LRRC59: variants seen among roughly 807,000 people sequenced by gnomAD.
LRRC59 encodes the protein leucine rich repeat containing 59, also known as leucine-rich repeat-containing protein 59.
LRRC59 carries 18 observed loss-of-function variants against 33.5 expected under a neutral mutation model. The observed-to-expected ratio is 0.54, with a 90% CI of 0.37 to 0.80. The LOEUF is 0.80. Ranked by LOEUF, LRRC59 falls within the 30% of genes least tolerant of loss-of-function variation. The probability of loss-of-function intolerance (pLI) is 0.00; values close to 1 mark genes in which losing one functional copy is unlikely to be tolerated. For synonymous variants in LRRC59, 138 were observed against 160.0 expected, an observed-to-expected ratio of 0.86 and a Z score of 1.04; for missense variants, 330 against 391.9, an observed-to-expected ratio of 0.84 and a Z score of 1.33.
intron 6 of LRRC59, 126 bp downstream of exon 6, chr17:50,384,992 C>A: frequency 8.8e-7 from 1 of 1,138,064 alleles, no homozygotes; most frequent in Non-Finnish European, 1.2e-6. Flanking sequence ...TTCTCATCCA[C>A]TCCCAAGCTT....
chr17:50,395,112 T>G, intron 1 of LRRC59, 124 bp from the exon 2 acceptor site: 1 of 643,376 alleles, frequency 1.6e-6, no homozygotes, highest in Non-Finnish European at 2.9e-6. Context: ...AAAATGGCAG[T>G]AAAGAGTAAT....
chr17:50,389,079 A>G (rs1404249515), intron 4 of LRRC59, among the ~76,000 whole-genome samples: 1 of 152,252 alleles, frequency 6.6e-6, no homozygotes, highest in East Asian at 1.9e-4. Flanking sequence ...GCTAATGGCC[A>G]GAAAGCAGCA....
chr17:50,388,058 A>G lies in LRRC59; in HGVS notation c.502+2T>C. ...ATAACTACAAGAGGGACAGCCACCT[A>G]CCACGTTCTACTTCCAGCCGCCGCT... On this transcript the variant is annotated splice_donor_variant, in intron 5 of 6. Coordinates refer to ENST00000225972, the MANE Select transcript of LRRC59 (RefSeq NM_018509.4). LOFTEE classifies it high-confidence loss of function. The G allele has an allele frequency of 2.5e-6, 4 of 1,614,082 alleles. No homozygotes were observed. The highest frequency in any genetic ancestry group is 3.4e-6 in the Non-Finnish European group (4 of 1,179,984).
chr17:50,387,203 T>C (rs1598368653), intron 5 of LRRC59, among the ~76,000 whole-genome samples: 1 of 151,710 alleles, frequency 6.6e-6, no homozygotes, highest in Middle Eastern at 3.4e-3. Flanking sequence ...TCTAAAAGGG[T>C]TACAGTTAAC....
At chr17:50,396,818 G>C (rs1052205960) in intron 1 of LRRC59, 1 of 269,624 alleles carries the variant, frequency 3.7e-6, no homozygotes, top group Non-Finnish European at 6.9e-6. Context: ...GCCACACCCA[G>C]GTCTACCAGG....
chr17:50,388,245 T>A, intron 4 of LRRC59, 113 bp from the exon 5 acceptor site: 1 of 968,062 alleles, frequency 1.0e-6, no homozygotes, highest in Non-Finnish European at 1.6e-6. Flanking sequence ...AATGTAGAAC[T>A]AATAAGAGTT....
At chr17:50,384,532 G>A (rs1226230323) in intron 6 of LRRC59, among the ~76,000 whole-genome samples, 1 of 152,110 alleles carries the variant, frequency 6.6e-6, no homozygotes, top group African/African-American at 2.4e-5. Context: ...TGGGGAGGCC[G>A]AGGCAGGCGG....
chr17:50,386,680 T>C (rs920431166), intron 5 of LRRC59, among the ~76,000 whole-genome samples: 1 of 152,142 alleles, frequency 6.6e-6, no homozygotes, highest in Non-Finnish European at 1.5e-5. Context: ...GGGTATGTCT[T>C]GCCACAGTGG....
In LRRC59 at chr17:50,397,512, G is replaced by C. The variant is rs1474171386; in HGVS notation, c.-195C>G. 2.4e-5 allele frequency: 12 copies of C among 502,788 alleles called. No homozygotes were observed. The highest frequency in any genetic ancestry group is 4.2e-5 in the Non-Finnish European group (12 of 282,524). The allele number at this position is 502,788 out of a possible 1,614,324, so 31.1% of individuals were successfully genotyped here. A position where few individuals can be genotyped will look rare whatever the true frequency, so the allele number is the denominator to read the frequency against. On this transcript the variant is annotated 5_prime_UTR_variant, in exon 1 of 7. Transcript: ENST00000225972. ...TAGCTCCCACCGGTGCCGCGACGAC[G>C]ACCACTTCCGTGTCCACGTCACCTT...
intron 4 of LRRC59, among the ~76,000 whole-genome samples, chr17:50,389,316 T>C (rs1914085823): frequency 6.6e-6 from 1 of 152,196 alleles, no homozygotes; most frequent in Non-Finnish European, 1.5e-5. Context: ...CTTTTCTGTT[T>C]GTATTTTTTT....
chr17:50,392,207 T>C (rs146397495), intron 4 of LRRC59, among the ~76,000 whole-genome samples, 191 bp downstream of exon 4: 2 of 151,892 alleles, frequency 1.3e-5, no homozygotes, highest in African/African-American at 4.8e-5. Context: ...TCAAAACAAA[T>C]AAAAAACAAA....
chr17:50,397,216 C>T lies in LRRC59; in HGVS notation c.102G>A (p.Glu34=). 1 of 1,597,432 alleles carries T rather than the reference C, an allele frequency of 6.3e-7. No homozygotes were observed. Among genetic ancestry groups the T allele is most frequent in the South Asian group, 1.1e-5 (1 of 89,016 alleles). Residue 34 remains glutamate, a synonymous_variant, in exon 1 of 7, where the codon GAG becomes GAA. Coordinates refer to ENST00000225972, the MANE Select transcript of LRRC59 (RefSeq NM_018509.4). ...GGCCTCGCGGGACGATACTGACCAG[C>T]TCCTTCACCGGGACCTCATTCAGGT... The part of the protein sequence containing the change: ...LSDLNEVPVK[E]LAALPKATIL...
At chr17:50,396,475 G>A (rs1262368422) in intron 1 of LRRC59, 1 of 152,262 alleles carries the variant, frequency 6.6e-6, no homozygotes, top group Non-Finnish European at 1.5e-5. Context: ...ATTTATCAAC[G>A]GCAGAAAGCA....
intron 6 of LRRC59, among the ~76,000 whole-genome samples, chr17:50,384,096 T>C (rs1180201273): frequency 6.6e-6 from 1 of 151,658 alleles, no homozygotes; most frequent in Admixed American, 6.5e-5. Flanking sequence ...AGAGGGTATC[T>C]GATCCTCTGC....
intron 5 of LRRC59, among the ~76,000 whole-genome samples, chr17:50,387,621 C>T (rs955123047): frequency 3.9e-5 from 6 of 152,152 alleles, no homozygotes; most frequent in South Asian, 2.1e-4. Flanking sequence ...GAGATGGCAC[C>T]GGAGCTGGAG....
chr17:50,395,261 T>G (rs943710507), intron 1 of LRRC59, among the ~76,000 whole-genome samples: 1 of 150,504 alleles, frequency 6.6e-6, no homozygotes, highest in African/African-American at 2.5e-5. Flanking sequence ...AGTCTCATAG[T>G]CTCAGCTACT....
At chr17:50,392,093 G>A (rs1051660354) in intron 4 of LRRC59, among the ~76,000 whole-genome samples, 4 of 152,198 alleles carry the variant, frequency 2.6e-5, no homozygotes, top group Admixed American at 1.3e-4. Context: ...TCAGCTACTC[G>A]GGAGGCTGAG....
At chr17:50,395,266 G>A (rs1914244058) in intron 1 of LRRC59, among the ~76,000 whole-genome samples, 1 of 151,208 alleles carries the variant, frequency 6.6e-6, no homozygotes, top group Non-Finnish European at 1.5e-5. Flanking sequence ...CATAGTCTCA[G>A]CTACTCAGAA....
chr17:50,383,124 A>G lies in LRRC59; in HGVS notation c.788T>C (p.Leu263Pro). The G allele has an allele frequency of 6.4e-7, 1 of 1,554,982 alleles. No individual in the cohort carries two copies. The highest frequency in any genetic ancestry group is 8.7e-7 in the Non-Finnish European group (1 of 1,149,682). The change falls in exon 7 of 7, where the codon CTG becomes CCG. Residue 263 changes from leucine to proline, a missense_variant. Leu to Pro is a moderately conservative substitution (Grantham distance 98, BLOSUM62 -3). Transcript: ENST00000225972. ...LLLLFGVAGG[L>P]VACRVTELQQ... ...CAGCTCTGTCACCCGACAAGCAACC[A>G]GCCCTCCCGCCACACCAAATAGCAG...
Sources: gnomAD v4.1 joint callset for allele counts (sites outside exome capture counted in the v4.1 genomes callset) on GRCh38, gnomAD v4.1.1 for gene constraint, MANE v1.5 for transcripts, NCBI Gene and HGNC (gene_info 2026-07-23, HGNC 2026-07-21) for gene names.